Variants in NEURL3 observed in about 807,000 individuals in gnomAD.
NEURL3 encodes E3 ubiquitin-protein ligase NEURL3.
NEURL3 carries 19 observed loss-of-function variants against 17.6 expected under a neutral mutation model. That is an observed-to-expected ratio of 1.08 (90% confidence interval 0.75 to 1.58). The LOEUF (loss-of-function observed/expected upper bound fraction) is 1.58. Ranked by LOEUF, NEURL3 falls within the 40% of genes most tolerant of loss-of-function variation. The pLI, the probability that NEURL3 is intolerant of heterozygous loss-of-function variation, is 0.00. For synonymous variants in NEURL3, 180 were observed against 161.4 expected (o/e 1.11, Z -0.87); for missense variants, 342 against 379.6 (o/e 0.90, Z 0.82).
chr2:96,506,433 G>A (rs1300359817), upstream of NEURL3, among the ~76,000 whole-genome samples: 1 of 152,224 alleles, frequency 6.6e-6, no homozygotes, highest in African/African-American at 2.4e-5. Context: ...CAAACTTCTG[G>A]CCTCAAGCAG....
chr2:96,507,387 G>A (rs1368650536), upstream of NEURL3, among the ~76,000 whole-genome samples: 1 of 152,200 alleles, frequency 6.6e-6, no homozygotes, highest in African/African-American at 2.4e-5. Context: ...AGGTGTCCTA[G>A]CCATGAACCG....
In NEURL3 at chr2:96,500,754, G is replaced by T. The variant is rs1348727396; in HGVS notation, c.199C>A (p.Arg67=). 1.3e-6 allele frequency: 2 copies of T among 1,523,670 alleles called. No individual in the cohort carries two copies. The highest frequency in any genetic ancestry group is 1.4e-5 in the African/African-American group (1 of 71,772). The allele number at this position is 1,523,670 out of a possible 1,614,324, so 94.4% of individuals were successfully genotyped here. The change falls in exon 2 of 4, where the codon CGG becomes AGG. Residue 67 remains arginine (R), a synonymous_variant. Coordinates refer to ENST00000451794, the MANE Select transcript of NEURL3 (RefSeq NM_001285485.2). ...CCGCCGCACCAGCCGCTCTCCTCCC[G>T]CAGCACTCGCAGCGCCACACGCTCG... is the stretch of plus-strand genomic sequence containing the variant. ...LGERVALRVL[R]EESGWCGGLR...
In NEURL3 at chr2:96,500,943, G is replaced by GTT. The variant is rs2065501693; in HGVS notation, c.29-20_29-19insAA. Reference sequence around the variant, plus strand: ...TTGGCGTCTGTGGGTTGAGGATGGGGAGTGTCAGTGCTAACCGGGTCTGGA... The same window carrying GTT: ...TTGGCGTCTGTGGGTTGAGGATGGGGTTAGTGTCAGTGCTAACCGGGTCTGGA... On this transcript the variant is annotated intron_variant, in intron 1 of 3. Transcript: ENST00000451794. The GTT allele has an allele frequency of 1.3e-6, 2 of 1,541,570 alleles. No homozygotes were observed. The highest frequency in any genetic ancestry group is 1.7e-6 in the Non-Finnish European group (2 of 1,152,828).
intron 3 of NEURL3, chr2:96,499,076 C>T: frequency 1.1e-6 from 1 of 897,360 alleles, no homozygotes; most frequent in Non-Finnish European, 1.5e-6. Context: ...CTGCACCCCA[C>T]CTATCCTTTC....
intron 2 of NEURL3, 37 bp downstream of exon 2, chr2:96,500,402 C>A (rs2104606205): frequency 6.3e-7 from 1 of 1,594,994 alleles, no homozygotes; most frequent in Non-Finnish European, 8.5e-7. Flanking sequence ...GCCCCCATCT[C>A]CCCACCTCCC....
chr2:96,505,266 G>C lies in NEURL3; in HGVS notation c.21C>G (p.Phe7Leu), dbSNP rs561656619. ...TGCAGGAGGTCTACTTACTGGCCTCGAAGCAGAGCTGGGCACCCATCAGTC... is the reference window on the plus strand; with the variant it reads ...TGCAGGAGGTCTACTTACTGGCCTCCAAGCAGAGCTGGGCACCCATCAGTC... MGAQLC[F>L]EANAKAPREA... The change falls in exon 1 of 4, where the codon TTC (phenylalanine) becomes TTG (leucine). Residue 7 changes from phenylalanine (F) to leucine (L), a missense_variant. Physicochemically the swap from Phe to Leu is conservative, Grantham distance 22 (BLOSUM62 0). Transcript: ENST00000451794. 6.3e-7 allele frequency: 1 copy of C among 1,599,158 alleles called. No homozygotes were observed. Among genetic ancestry groups the C allele is most frequent in the Non-Finnish European group, 8.5e-7 (1 of 1,179,792 alleles).
At chr2:96,505,182 A>C in intron 1 of NEURL3, 77 bp downstream of exon 1, 1 of 1,546,672 alleles carries the variant, frequency 6.5e-7, no homozygotes, top group Non-Finnish European at 8.8e-7. Flanking sequence ...CTACTCCAGC[A>C]ATGACACAGA....
rs1573156329 is a variant in NEURL3 at position 96,500,774 on chromosome 2, C to G, written c.179G>C (p.Arg60Pro). The part of the protein sequence containing the change: ...FSQRPVRLGE[R>P]VALRVLREES... ...CTCCCGCAGCACTCGCAGCGCCACA[C>G]GCTCGCCCAGGCGCACCGGCCGCTG... Residue 60 changes from arginine to proline, a missense_variant, in exon 2 of 4, where the codon CGT (arginine) becomes CCT (proline). Coordinates refer to ENST00000451794, the MANE Select transcript of NEURL3 (RefSeq NM_001285485.2). 2 of 1,526,370 alleles carry G rather than the reference C, an allele frequency of 1.3e-6. No individual in the cohort carries two copies. Among genetic ancestry groups the G allele is most frequent in the Middle Eastern group, 2.2e-4 (1 of 4,528 alleles). The allele number at this position is 1,526,370 out of a possible 1,614,324, so 94.6% of individuals were successfully genotyped here.
intron 1 of NEURL3, among the ~76,000 whole-genome samples, chr2:96,502,813 C>T (rs1314332796): frequency 6.6e-6 from 1 of 152,270 alleles, no homozygotes; most frequent in Non-Finnish European, 1.5e-5. Context: ...ATCCTGCTGC[C>T]ATCCTAAGAG....
At chr2:96,506,311 T>A (rs1268964724), upstream of NEURL3, among the ~76,000 whole-genome samples, 1 of 152,084 alleles carries the variant, frequency 6.6e-6, no homozygotes, top group African/African-American at 2.4e-5. Flanking sequence ...GCTCAATTGA[T>A]CCTCCCACCT....
In NEURL3 at chr2:96,500,533, G is replaced by A. The variant is rs754946937; in HGVS notation, c.420C>T (p.Gly140=). The stretch of plus-strand genomic sequence containing the variant: ...CGCCCTCACGCAGCAGGAGCCGGCA[G>A]CCGGCGTTGACCTTGGCGAAGAGGC... ...RGCLFAKVNA[G]CRLLLREGVP... The change falls in exon 2 of 4, where the codon GGC becomes GGT. Residue 140 remains glycine, a synonymous_variant. Coordinates refer to ENST00000451794, the MANE Select transcript of NEURL3 (RefSeq NM_001285485.2). The A allele has an allele frequency of 3.8e-6, 6 of 1,577,690 alleles. No homozygotes were observed. The South Asian group carries it at 4.5e-5, about 12-fold the overall frequency.
At position 96,498,081 on chromosome 2, in the gene NEURL3, C is replaced by A. The variant is rs554237827; in HGVS notation, c.*163G>T. On this transcript the variant is annotated 3_prime_UTR_variant, in exon 4 of 4. Coordinates refer to ENST00000451794, the MANE Select transcript of NEURL3 (RefSeq NM_001285485.2). The surrounding 1 kb of genome is among the most constrained non-coding windows in gnomAD (Gnocchi z 4.4). Reference sequence around the variant, plus strand: ...TATCCTGTTGGGGAACAGGTGGAGGCAGCAGACAGCACCTCCCTGCCTTCC... The same window carrying A: ...TATCCTGTTGGGGAACAGGTGGAGGAAGCAGACAGCACCTCCCTGCCTTCC... 1.6e-5 allele frequency: 11 copies of A among 674,448 alleles called. No individual in the cohort carries two copies. In the East Asian group the frequency reaches 3.1e-4, roughly 19 times the overall value. The allele number at this position is 674,448 out of a possible 1,614,324, so 41.8% of individuals were successfully genotyped here.
At chr2:96,504,293 A>G (rs1025427224) in intron 1 of NEURL3, among the ~76,000 whole-genome samples, 14 of 152,032 alleles carry the variant, frequency 9.2e-5, no homozygotes, top group Admixed American at 7.2e-4. Context: ...GGAAGCCCTC[A>G]GAGCTTGAGA....
intron 3 of NEURL3, 117 bp downstream of exon 3, chr2:96,499,260 CT>C: frequency 6.8e-7 from 1 of 1,473,930 alleles, no homozygotes; most frequent in South Asian, 1.4e-5. Context: ...AGAGCCAAAT[CT>C]TTTGGCCCAA....
chr2:96,499,458 G>C lies in NEURL3; in HGVS notation c.515-9C>G. ...CCGGCTGGCTGTGGGATCTGAGGCA[G>C]AGAGAGAAACTCAGGTCCAGGACGG... is the stretch of plus-strand genomic sequence containing the variant. On this transcript the variant is annotated splice_polypyrimidine_tract_variant and intron_variant, in intron 2 of 3. Transcript: ENST00000451794. The C allele has an allele frequency of 6.3e-7, 1 of 1,599,358 alleles. No homozygotes were observed. Among genetic ancestry groups the C allele is most frequent in the Non-Finnish European group, 8.5e-7 (1 of 1,179,674 alleles).
intron 3 of NEURL3, 60 bp downstream of exon 3, chr2:96,499,318 T>G: frequency 3.8e-6 from 6 of 1,587,900 alleles, no homozygotes; most frequent in Non-Finnish European, 5.1e-6. Flanking sequence ...GTGGGGCTTC[T>G]CCCTCCACTC....
In NEURL3 at chr2:96,498,263, C is replaced by T; in HGVS notation, c.770G>A (p.Arg257Lys). ...VAPAQGPPAL[R>K]VEEGS ...CTCCTTTCATGAGCCTTCCTCAACC[C>T]TCAGAGCAGGAGGGCCCTGCGCAGG... is the stretch of plus-strand genomic sequence containing the variant. The change falls in exon 4 of 4, where the codon AGG (arginine) becomes AAG (lysine). Residue 257 changes from arginine (R) to lysine (K), a missense_variant. Coordinates refer to ENST00000451794, the MANE Select transcript of NEURL3 (RefSeq NM_001285485.2). This position sits in a 1 kb window ranked among gnomAD's most constrained non-coding sequence, Gnocchi z 4.4. 6.4e-7 allele frequency: 1 copy of T among 1,567,972 alleles called. No individual in the cohort carries two copies. The highest frequency in any genetic ancestry group is 8.6e-7 in the Non-Finnish European group (1 of 1,164,398).
intron 1 of NEURL3, 119 bp from the exon 2 acceptor site, chr2:96,501,043 G>T: frequency 8.0e-7 from 1 of 1,252,224 alleles, no homozygotes; most frequent in Non-Finnish European, 1.1e-6. Flanking sequence ...TTCCCCTAGG[G>T]ACCATTTCCA....
chr2:96,500,715 A>T lies in NEURL3; in HGVS notation c.238T>A (p.Phe80Ile). Residue 80 changes from phenylalanine to isoleucine, a missense_variant, in exon 2 of 4, where the codon TTC becomes ATC. By Grantham distance (21) the Phe-to-Ile change is conservative. Coordinates refer to ENST00000451794, the MANE Select transcript of NEURL3 (RefSeq NM_001285485.2). ...ACGCACGCGGGGTCCAGGCGCGTGA[A>T]GCCCACGCGGAGGCCGCCGCACCAG... ...SGWCGGLRVG[F>I]TRLDPACVSV... 1 of 1,517,006 alleles carries T rather than the reference A, an allele frequency of 6.6e-7. No homozygotes were observed. Among genetic ancestry groups the T allele is most frequent in the Non-Finnish European group, 8.8e-7 (1 of 1,138,948 alleles). 94.0% of individuals were successfully genotyped at this position (1,517,006 alleles called of 1,614,324 possible).
Sources: gnomAD v4.1 joint callset for allele counts (sites outside exome capture counted in the v4.1 genomes callset) on GRCh38, gnomAD v4.1.1 for gene constraint, Gnocchi (gnomAD v3.1) non-coding constraint, MANE v1.5 for transcripts, NCBI Gene and HGNC (gene_info 2026-07-23, HGNC 2026-07-21) for gene names.